DISC1: variants seen among roughly 807,000 people sequenced by gnomAD.
The protein encoded by DISC1 is DISC1 scaffold protein, also known as disrupted in schizophrenia 1 protein.
Under a neutral mutation model 84.5 loss-of-function variants are expected in DISC1, and 57 were observed. That is an observed-to-expected ratio of 0.67 (90% confidence interval 0.55 to 0.84). DISC1 has a LOEUF of 0.84. DISC1 is among the 40% of genes least tolerant of loss of function. The pLI is 0.00. For synonymous variants in DISC1, 411 were observed against 415.2 expected (o/e 0.99, Z 0.12); for missense variants, 1,000 against 1,057.8 (o/e 0.95, Z 0.76).
At chr1:231,646,980 T>A (rs2060191661) in intron 1 of DISC1, among the ~76,000 whole-genome samples, 1 of 152,176 alleles carries the variant, frequency 6.6e-6, no homozygotes, top group Non-Finnish European at 1.5e-5. Flanking sequence ...GTCAGATGGG[T>A]AGATTGCAAA....
At chr1:232,022,283 C>T (rs932842361) in intron 11 of DISC1, among the ~76,000 whole-genome samples, 4 of 151,036 alleles carry the variant, frequency 2.6e-5, no homozygotes, top group Non-Finnish European at 5.9e-5. Flanking sequence ...AGGACCTGGG[C>T]AACTTTGCAC....
At chr1:232,020,071 G>A (rs2103026228) in intron 11 of DISC1, among the ~76,000 whole-genome samples, 1 of 152,248 alleles carries the variant, frequency 6.6e-6, no homozygotes, top group East Asian at 1.9e-4. Context: ...GCCAGGTGCG[G>A]TGGCTCACAC....
chr1:231,647,377 T>C (rs1034060590), intron 1 of DISC1, among the ~76,000 whole-genome samples: 3 of 152,218 alleles, frequency 2.0e-5, no homozygotes, highest in African/African-American at 7.2e-5. Flanking sequence ...TGGTTGTAGA[T>C]GTGTGGTGTT....
At chr1:231,734,483 T>A (rs201068206) in intron 3 of DISC1, among the ~76,000 whole-genome samples, 1 of 14,646 alleles carries the variant, frequency 6.8e-5, no homozygotes, top group African/African-American at 1.1e-4. Context: ...CATCACGTGC[T>A]CTCTCTCTCT....
chr1:231,965,404 G>A lies in DISC1; in HGVS notation c.2042+6516G>A, dbSNP rs113133427. ...GCCAAATATCCAGGAGGGTGACTGC[G>A]GTCAGTACCTGGTCATTCCATAGAG... On this transcript the variant is annotated intron_variant, in intron 10 of 12. Coordinates refer to ENST00000439617, the MANE Select transcript of DISC1 (RefSeq NM_018662.3). Among the ~76,000 whole-genome samples the A allele has an allele frequency of 6.7e-4, 102 of 152,102 alleles. 2 individuals are homozygous for A. Among genetic ancestry groups the A allele is most frequent in the African/African-American group, 2.4e-3 (98 of 41,498 alleles).
chr1:232,002,796 G>C (rs921886284), intron 10 of DISC1, among the ~76,000 whole-genome samples: 2 of 152,132 alleles, frequency 1.3e-5, no homozygotes, highest in Non-Finnish European at 2.9e-5. Flanking sequence ...AAGAGAACAT[G>C]GAGATTCATG....
intron 9 of DISC1, among the ~76,000 whole-genome samples, chr1:231,830,687 TCTGGAATGAGA>T (rs2082157303): frequency 6.6e-6 from 1 of 152,166 alleles, no homozygotes; most frequent in African/African-American, 2.4e-5. Flanking sequence ...TGGTCTGGTG[TCTGGAATGAGA>T]CTGGGGCCTA....
At chr1:231,974,253 G>C (rs935316675) in intron 10 of DISC1, among the ~76,000 whole-genome samples, 1 of 152,104 alleles carries the variant, frequency 6.6e-6, no homozygotes, top group Non-Finnish European at 1.5e-5. Context: ...GTTTAGCTCA[G>C]CATCACCTCA....
intron 9 of DISC1, among the ~76,000 whole-genome samples, chr1:231,889,242 G>A (rs1483128612): frequency 2.6e-5 from 4 of 152,160 alleles, no homozygotes; most frequent in Non-Finnish European, 5.9e-5. Context: ...ATATCCAGAT[G>A]GAATGACATG....
chr1:231,916,894 C>T (rs2126069071), intron 9 of DISC1, among the ~76,000 whole-genome samples: 1 of 152,272 alleles, frequency 6.6e-6, no homozygotes, highest in Middle Eastern at 3.4e-3. Flanking sequence ...CACCTAGAAA[C>T]CTTCCCTGCT....
Position 232,026,423 on chromosome 1 carries a change from C to A in DISC1, c.2308-12C>A, listed in dbSNP as rs757293967. 11 of 1,566,522 alleles carry A rather than the reference C, an allele frequency of 7.0e-6. No homozygotes were observed. The African/African-American group carries it at 1.3e-4, about 19-fold the overall frequency. ...GCACTAACAAGTGATCTTGTTTTCC[C>A]CCTCTCGCCAGGAATCTTACATCCT... On this transcript the variant is annotated splice_polypyrimidine_tract_variant and intron_variant, in intron 11 of 12. Coordinates refer to ENST00000439617, the MANE Select transcript of DISC1 (RefSeq NM_018662.3).
chr1:231,871,861 AC>A (rs2085490345), intron 9 of DISC1, among the ~76,000 whole-genome samples: 1 of 152,296 alleles, frequency 6.6e-6, no homozygotes, highest in Middle Eastern at 3.4e-3. Flanking sequence ...CCTGCATGTG[AC>A]ATTTCCCAAC....
At chr1:231,859,292 A>C (rs1423265508) in intron 9 of DISC1, among the ~76,000 whole-genome samples, 1 of 152,218 alleles carries the variant, frequency 6.6e-6, no homozygotes, top group Non-Finnish European at 1.5e-5. Context: ...GCTGTAACAA[A>C]GTACCATAGA....
chr1:231,729,191 G>A lies in DISC1; in HGVS notation c.1118-20735G>A, dbSNP rs371406440. 4.6e-5 allele frequency among the ~76,000 whole-genome samples: 7 copies of A among 152,144 alleles called. 1 individual carries two copies. The highest frequency in any genetic ancestry group is 1.7e-4 in the African/African-American group (7 of 41,442). On this transcript the variant is annotated intron_variant, in intron 3 of 12. Coordinates refer to ENST00000439617, the MANE Select transcript of DISC1 (RefSeq NM_018662.3). ...CAAACTCAACCTTTTTTATGGCTGC[G>A]TAGTATTCCATGGTGTATATGTGCC...
At chr1:231,942,279 G>A (rs2091390539) in intron 9 of DISC1, among the ~76,000 whole-genome samples, 1 of 152,198 alleles carries the variant, frequency 6.6e-6, no homozygotes, top group African/African-American at 2.4e-5. Context: ...AACCTGCTGG[G>A]TGGCCCTGTA....
intron 3 of DISC1, among the ~76,000 whole-genome samples, chr1:231,749,120 G>T (rs2074323912): frequency 6.6e-6 from 1 of 152,102 alleles, no homozygotes; most frequent in Admixed American, 6.5e-5. Flanking sequence ...TGCCTTTCGG[G>T]ACTGCCATTC....
At chr1:231,741,068 G>A (rs918550454) in intron 3 of DISC1, among the ~76,000 whole-genome samples, 1 of 152,230 alleles carries the variant, frequency 6.6e-6, no homozygotes, top group African/African-American at 2.4e-5. Context: ...AGGTCGCTCT[G>A]TTGGTGATGT....
At chr1:231,663,009 A>G (rs1558273733) in intron 1 of DISC1, among the ~76,000 whole-genome samples, 1 of 152,184 alleles carries the variant, frequency 6.6e-6, no homozygotes, top group Non-Finnish European at 1.5e-5. Context: ...AGAAACAAAC[A>G]AGCAAACGAA....
intron 9 of DISC1, among the ~76,000 whole-genome samples, chr1:231,903,607 G>A (rs1199073622): frequency 1.3e-4 from 20 of 152,208 alleles, no homozygotes; most frequent in Admixed American, 1.3e-3. Context: ...CATTGGAGCA[G>A]AGGCCTCCGC....
Sources: allele counts gnomAD v4.1 joint callset (sites outside exome capture counted in the v4.1 genomes callset), GRCh38; gene constraint gnomAD v4.1.1; transcripts MANE v1.5; gene names NCBI Gene and HGNC (gene_info 2026-07-23, HGNC 2026-07-21).